The following NME7 variants were observed in gnomAD, a reference collection of about 807,000 sequenced individuals.
NME7 encodes the protein NME/NM23 family member 7.
A neutral mutation model predicts 49.1 loss-of-function variants in NME7; 41 were observed. The observed-to-expected ratio is 0.83, with a 90% CI of 0.65 to 1.08. The LOEUF is 1.08. Ranked by LOEUF, NME7 falls within the 50% of genes least tolerant of loss-of-function variation. NME7 has a pLI of 0.00. For synonymous variants in NME7, 139 were observed against 150.6 expected, an observed-to-expected ratio of 0.92 and a Z score of 0.56; for missense variants, 423 against 463.4, an observed-to-expected ratio of 0.91 and a Z score of 0.80.
chr1:169,178,693 A>G (rs1659835566), intron 10 of NME7, among the ~76,000 whole-genome samples: 1 of 152,102 alleles, frequency 6.6e-6, no homozygotes, highest in African/African-American at 2.4e-5. Context: ...TCTCTACAGA[A>G]AGCTGTTTTC....
At chr1:169,367,562 AG>A (rs1163249891) in intron 1 of NME7, 145 bp downstream of exon 1, 2 of 862,820 alleles carry the variant, frequency 2.3e-6, no homozygotes, top group Non-Finnish European at 4.0e-6. Flanking sequence ...AGGAGACTGC[AG>A]GAACAGCCCG....
At chr1:169,163,317 G>A (rs1340095406) in intron 11 of NME7, among the ~76,000 whole-genome samples, 3 of 151,882 alleles carry the variant, frequency 2.0e-5, no homozygotes, top group East Asian at 1.9e-4. Context: ...TATGAGTAAC[G>A]TATGCCATAC....
intron 10 of NME7, among the ~76,000 whole-genome samples, chr1:169,197,333 C>A (rs1009888769): frequency 6.6e-6 from 1 of 151,872 alleles, no homozygotes; most frequent in African/African-American, 2.4e-5. Flanking sequence ...GTGTGTAATT[C>A]TGGATGATTC....
intron 3 of NME7, among the ~76,000 whole-genome samples, chr1:169,320,680 G>A (rs1651820671): frequency 6.6e-6 from 1 of 152,098 alleles, no homozygotes; most frequent in African/African-American, 2.4e-5. Context: ...ATGGTTGTTG[G>A]ATTTACTAAC....
chr1:169,183,469 GT>G (rs1659979309), intron 10 of NME7, among the ~76,000 whole-genome samples: 1 of 152,184 alleles, frequency 6.6e-6, no homozygotes, highest in South Asian at 2.1e-4. Flanking sequence ...GTTCACTATA[GT>G]TGCAAGTCAA....
intron 5 of NME7, among the ~76,000 whole-genome samples, chr1:169,300,789 C>T (rs1336843363): frequency 1.3e-5 from 2 of 152,074 alleles, no homozygotes; most frequent in African/African-American, 4.8e-5. Context: ...CACACATCTA[C>T]AGCCATCTGA....
intron 1 of NME7, among the ~76,000 whole-genome samples, chr1:169,335,687 T>A (rs890253334): frequency 6.8e-6 from 1 of 147,464 alleles, no homozygotes; most frequent in Non-Finnish European, 1.5e-5. Context: ...GAAATATATA[T>A]AATATATATG....
At chr1:169,244,548 A>G (rs1432291807) in intron 7 of NME7, among the ~76,000 whole-genome samples, 1 of 148,022 alleles carries the variant, frequency 6.8e-6, no homozygotes, top group Non-Finnish European at 1.5e-5. Flanking sequence ...AGGAAGGAGG[A>G]TGGCGTGAAC....
chr1:169,365,896 A>C (rs1653833682), intron 1 of NME7, among the ~76,000 whole-genome samples: 1 of 152,250 alleles, frequency 6.6e-6, no homozygotes, highest in Non-Finnish European at 1.5e-5. Context: ...TTTCTAGTTT[A>C]GGTTATAATA....
At chr1:169,282,580 G>T (rs997158921) in intron 7 of NME7, among the ~76,000 whole-genome samples, 5 of 152,014 alleles carry the variant, frequency 3.3e-5, no homozygotes, top group African/African-American at 1.2e-4. Flanking sequence ...TCTCTTGTGG[G>T]CATTTAGAGC....
intron 11 of NME7, among the ~76,000 whole-genome samples, chr1:169,144,094 T>C (rs1241276544): frequency 6.6e-6 from 1 of 152,150 alleles, no homozygotes; most frequent in Non-Finnish European, 1.5e-5. Context: ...AATTCTCTAA[T>C]GTCTTTTTAA....
intron 11 of NME7, among the ~76,000 whole-genome samples, chr1:169,145,954 T>A (rs1192021585): frequency 1.3e-5 from 2 of 152,204 alleles, no homozygotes; most frequent in East Asian, 3.8e-4. Flanking sequence ...TTTTATTGAT[T>A]CAGAGGGTAC....
At chr1:169,194,389 G>T (rs1459535578) in intron 10 of NME7, among the ~76,000 whole-genome samples, 1 of 152,178 alleles carries the variant, frequency 6.6e-6, no homozygotes, top group Admixed American at 6.5e-5. Context: ...AGATGGTAAA[G>T]TTCCATGTTA....
At chr1:169,242,900 T>C (rs931785779) in intron 7 of NME7, among the ~76,000 whole-genome samples, 1 of 151,910 alleles carries the variant, frequency 6.6e-6, no homozygotes, top group Non-Finnish European at 1.5e-5. Context: ...AAATGCTGGA[T>C]GAAAGAGCTA....
intron 10 of NME7, among the ~76,000 whole-genome samples, chr1:169,195,700 A>C (rs1003673566): frequency 4.6e-5 from 7 of 152,196 alleles, no homozygotes; most frequent in African/African-American, 1.7e-4. Context: ...GTATTTAAAC[A>C]ATACAGAATG....
At chr1:169,306,964 G>T (rs1651194696) in intron 4 of NME7, among the ~76,000 whole-genome samples, 1 of 152,320 alleles carries the variant, frequency 6.6e-6, no homozygotes, top group Middle Eastern at 3.4e-3. Flanking sequence ...CAGAGATGTT[G>T]AAGTCATCCC....
At chr1:169,172,340 GTGTGTGTGTGTGTGTA>G (rs57336829) in intron 10 of NME7, among the ~76,000 whole-genome samples, 15,644 of 138,872 alleles carry the variant, frequency 0.11, 1,963 homozygotes, top group East Asian at 0.72. Context: ...GTGTGTGTGT[GTGTGTGTGTGTGTGTA>G]TGTGTATGTG....
intron 7 of NME7, among the ~76,000 whole-genome samples, chr1:169,244,307 G>A (rs969296571): frequency 5.9e-5 from 9 of 152,092 alleles, no homozygotes; most frequent in Non-Finnish European, 7.4e-5. Context: ...AATAGTTCTA[G>A]AAAACTGCTT....
intron 7 of NME7, among the ~76,000 whole-genome samples, chr1:169,250,189 T>C (rs1387801599): frequency 6.6e-6 from 1 of 152,080 alleles, no homozygotes; most frequent in Non-Finnish European, 1.5e-5. Flanking sequence ...TATTTCTTCC[T>C]GGCTTAATCT....
Sources: gnomAD v4.1 joint callset for allele counts (sites outside exome capture counted in the v4.1 genomes callset) on GRCh38, gnomAD v4.1.1 for gene constraint, MANE v1.5 for transcripts, NCBI Gene and HGNC (gene_info 2026-07-23, HGNC 2026-07-21) for gene names.